SMC2: variants seen among roughly 807,000 people sequenced by gnomAD.
SMC2 encodes the protein structural maintenance of chromosomes 2, also known as structural maintenance of chromosomes protein 2.
SMC2 carries 41 observed loss-of-function variants against 142.6 expected under a neutral mutation model. The ratio of observed to expected loss-of-function variants is 0.29; its 90% CI spans 0.22 to 0.37. The LOEUF is 0.37. Among genes scored for constraint, SMC2 ranks in the 10% least tolerant of loss-of-function variants. SMC2 has a pLI of 1.00. For synonymous variants in SMC2, 463 were observed against 457.5 expected, an observed-to-expected ratio of 1.01 and a Z score of -0.15; for missense variants, 1,265 against 1,373.7, an observed-to-expected ratio of 0.92 and a Z score of 1.25.
chr9:104,115,829 C>G (rs572830048), intron 13 of SMC2, among the ~76,000 whole-genome samples: 1 of 152,142 alleles, frequency 6.6e-6, no homozygotes, highest in Non-Finnish European at 1.5e-5. Context: ...CAAATATGTA[C>G]CCTTTGACCT....
intron 20 of SMC2, 122 bp from the exon 21 acceptor site, chr9:104,129,523 T>C (rs1587989686): frequency 6.5e-6 from 5 of 771,174 alleles, no homozygotes; most frequent in Non-Finnish European, 1.1e-5. Context: ...AAAAAATTAG[T>C]CATTGAAGGT....
chr9:104,098,703 G>A, intron 4 of SMC2, 135 bp downstream of exon 4: 1 of 828,554 alleles, frequency 1.2e-6, no homozygotes, highest in Non-Finnish European at 1.8e-6. Flanking sequence ...CCGGCCATCT[G>A]TTTAGAAATA....
intron 14 of SMC2, among the ~76,000 whole-genome samples, chr9:104,116,624 A>G (rs2131419392): frequency 6.6e-6 from 1 of 152,288 alleles, no homozygotes; most frequent in Middle Eastern, 3.4e-3. Context: ...GCTTCTAGAT[A>G]CGTACCCCAA....
chr9:104,113,250 G>T (rs879374155), intron 10 of SMC2, 66 bp from the exon 11 acceptor site: 1 of 1,212,042 alleles, frequency 8.3e-7, no homozygotes, highest in Non-Finnish European at 1.1e-6. Context: ...CTGAATCTTC[G>T]GCCATTTAAT....
intron 23 of SMC2, chr9:104,135,785 A>G (rs980226293): frequency 8.9e-5 from 46 of 514,294 alleles, no homozygotes; most frequent in African/African-American, 2.7e-4. Flanking sequence ...ACATCCGTAA[A>G]GTGCTGAAAG....
chr9:104,120,804 T>G (rs7350148), intron 16 of SMC2, among the ~76,000 whole-genome samples: 86,597 of 151,964 alleles, frequency 0.57, 25,717 homozygotes, highest in African/African-American at 0.67. Flanking sequence ...TAACCTTTTT[T>G]TGTCAGTCAG....
chr9:104,098,164 A>T (rs1233502901), intron 3 of SMC2, among the ~76,000 whole-genome samples: 1 of 152,232 alleles, frequency 6.6e-6, no homozygotes, highest in Non-Finnish European at 1.5e-5. Flanking sequence ...TTGGAAACAT[A>T]AAGCTAGAAG....
rs751241623 is a variant in SMC2, at chr9:104,120,067, A to G, written c.2037A>G (p.Gln679=). 3.7e-6 allele frequency: 6 copies of G among 1,614,022 alleles called. No individual in the cohort carries two copies. The highest frequency in any genetic ancestry group is 1.7e-4 in the Middle Eastern group (1 of 6,060). The part of the protein sequence containing the change: ...SQAASILTKF[Q]ELKDVQDELR... ...CAGCTTCCATTTTAACCAAGTTTCA[A>G]GAACTCAAAGATGTTCAGGATGAAC... Residue 679 remains glutamine, a synonymous_variant, in exon 16 of 25, where the codon CAA becomes CAG. Coordinates refer to ENST00000374793, the MANE Select transcript of SMC2 (RefSeq NM_006444.3).
chr9:104,120,205 T>A, intron 16 of SMC2, 43 bp downstream of exon 16: 1 of 1,453,570 alleles, frequency 6.9e-7, no homozygotes, highest in Non-Finnish European at 9.3e-7. Context: ...ATTTGCATAG[T>A]AGAAAATGAT....
chr9:104,137,671 A>ACATAGCTCTT (rs1284224136), intron 23 of SMC2, among the ~76,000 whole-genome samples: 2 of 28,344 alleles, frequency 7.1e-5, no homozygotes, highest in Non-Finnish European at 1.5e-4. Flanking sequence ...CATAGCTCTT[A>ACATAGCTCTT]ACCTGCTACC....
At chr9:104,088,877 G>A in the SMC2 span, among the ~76,000 whole-genome samples, 1 of 151,954 alleles carries the variant, frequency 6.6e-6, no homozygotes, top group Non-Finnish European at 1.5e-5. Context: ...GCACAATGCA[G>A]GCATTCTATA....
At chr9:104,103,354 G>T (rs897680570) in intron 9 of SMC2, among the ~76,000 whole-genome samples, 3 of 152,148 alleles carry the variant, frequency 2.0e-5, no homozygotes, top group African/African-American at 7.2e-5. Flanking sequence ...AACTTTTTGA[G>T]AAGTTTTCTG....
chr9:104,102,675 T>C (rs1426453421), intron 9 of SMC2, 102 bp downstream of exon 9: 2 of 1,231,348 alleles, frequency 1.6e-6, no homozygotes, highest in South Asian at 3.5e-5. Context: ...GTGTCTTCTA[T>C]AAGCTAAGTA....
At chr9:104,109,265 G>A (rs75280434) in intron 9 of SMC2, among the ~76,000 whole-genome samples, 8,626 of 152,178 alleles carry the variant, frequency 0.057, 654 homozygotes, top group African/African-American at 0.18. Flanking sequence ...TCATGTCAGT[G>A]AATGGTACCA....
chr9:104,096,067 A>C, intron 2 of SMC2, 81 bp from the exon 3 acceptor site: 1 of 1,349,252 alleles, frequency 7.4e-7, no homozygotes, highest in Non-Finnish European at 1.0e-6. Context: ...TGGGTTTTCC[A>C]ACAGCAAGGG....
intron 13 of SMC2, among the ~76,000 whole-genome samples, chr9:104,115,854 C>T (rs1282576422): frequency 6.6e-6 from 1 of 152,108 alleles, no homozygotes; most frequent in East Asian, 1.9e-4. Context: ...CCTACTTCTA[C>T]CCATTTTCTT....
intron 15 of SMC2, among the ~76,000 whole-genome samples, chr9:104,118,921 A>G (rs1019853668): frequency 1.6e-4 from 24 of 152,202 alleles, no homozygotes; most frequent in African/African-American, 5.5e-4. Flanking sequence ...CTTAATAACA[A>G]CGATGAGGTA....
rs200201561 is a variant in SMC2 at position 104,135,837 on chromosome 9, T to C, written c.3269+1262T>C. 1.1e-3 allele frequency: 559 copies of C among 518,714 alleles called. 1 individual carries two copies. The highest frequency in any genetic ancestry group is 1.7e-3 in the Non-Finnish European group (431 of 259,762). The allele number at this position is 518,714 out of a possible 1,614,324, so 32.1% of individuals were successfully genotyped here. On this transcript the variant is annotated intron_variant, in intron 23 of 24. Coordinates refer to ENST00000374793, the MANE Select transcript of SMC2 (RefSeq NM_006444.3). ...ATTGTATATCTAACAGAAATATTCT[T>C]CAAATTGAAGGCAATATGAATACTT...
At chr9:104,134,662 C>A (rs1795264243) in intron 23 of SMC2, 87 bp downstream of exon 23, 2 of 923,554 alleles carry the variant, frequency 2.2e-6, no homozygotes, top group Non-Finnish European at 3.1e-6. Context: ...TGTGTTTTAA[C>A]TACCTTTGCA....
Sources: gnomAD v4.1 joint callset for allele counts (sites outside exome capture counted in the v4.1 genomes callset) on GRCh38, gnomAD v4.1.1 for gene constraint, MANE v1.5 for transcripts, NCBI Gene and HGNC (gene_info 2026-07-23, HGNC 2026-07-21) for gene names.